The following ST8SIA5 variants were observed in gnomAD, a reference collection of about 807,000 sequenced individuals.
The protein encoded by ST8SIA5 is ST8 alpha-N-acetyl-neuraminide alpha-2,8-sialyltransferase 5, also known as alpha-2,8-sialyltransferase 8E.
A neutral mutation model predicts 40.2 loss-of-function variants in ST8SIA5; 24 were observed. The ratio of observed to expected loss-of-function variants is 0.60; its 90% CI spans 0.43 to 0.84. The LOEUF is 0.84. Among genes scored for constraint, ST8SIA5 ranks in the 40% least tolerant of loss-of-function variants. ST8SIA5 has a pLI of 0.00. For synonymous variants in ST8SIA5, 198 were observed against 201.8 expected (o/e 0.98, Z 0.16); for missense variants, 465 against 498.5 (o/e 0.93, Z 0.64).
At chr18:46,753,348 G>A (rs1032073939) in intron 1 of ST8SIA5, among the ~76,000 whole-genome samples, 17 of 152,188 alleles carry the variant, frequency 1.1e-4, no homozygotes, top group African/African-American at 3.6e-4. Flanking sequence ...CGAGGCGGGC[G>A]GATCACAAGG....
intron 2 of ST8SIA5, among the ~76,000 whole-genome samples, chr18:46,700,475 T>C (rs1418310438): frequency 6.6e-6 from 1 of 152,176 alleles, no homozygotes. Context: ...GGTCCCAAGA[T>C]AGTGTCAGAA....
At chr18:46,681,510 AG>A (rs1415675929) in intron 6 of ST8SIA5, among the ~76,000 whole-genome samples, 1 of 152,062 alleles carries the variant, frequency 6.6e-6, no homozygotes, top group East Asian at 1.9e-4. Context: ...CCAGGAGGGG[AG>A]CCAGGAGGGG....
chr18:46,737,962 G>A (rs1318286630), intron 1 of ST8SIA5, among the ~76,000 whole-genome samples: 6 of 151,930 alleles, frequency 3.9e-5, no homozygotes, highest in South Asian at 2.1e-4. Context: ...GTAGAGATAG[G>A]ATTTCACCAC....
chr18:46,727,432 A>G (rs1365176603), intron 1 of ST8SIA5, among the ~76,000 whole-genome samples: 2 of 152,344 alleles, frequency 1.3e-5, no homozygotes, highest in Admixed American at 1.3e-4. Flanking sequence ...TGCTTCCCTG[A>G]GCCAACTACC....
intron 2 of ST8SIA5, among the ~76,000 whole-genome samples, chr18:46,699,678 C>T (rs1262051740): frequency 6.6e-6 from 1 of 152,212 alleles, no homozygotes; most frequent in African/African-American, 2.4e-5. Flanking sequence ...CGCGCCCAGC[C>T]TTTCTCCCTC....
chr18:46,722,449 C>G (rs1332779365), intron 1 of ST8SIA5, among the ~76,000 whole-genome samples: 2 of 152,250 alleles, frequency 1.3e-5, no homozygotes. Context: ...CTGAGTGCAC[C>G]TGGCTTCTGA....
intron 1 of ST8SIA5, among the ~76,000 whole-genome samples, chr18:46,721,812 C>T (rs2039866913): frequency 6.6e-6 from 1 of 152,194 alleles, no homozygotes; most frequent in African/African-American, 2.4e-5. Context: ...TCCAGTTAAA[C>T]CAAAAGAGCG....
At chr18:46,700,702 C>A (rs1599113237) in intron 2 of ST8SIA5, among the ~76,000 whole-genome samples, 1 of 151,300 alleles carries the variant, frequency 6.6e-6, no homozygotes. Flanking sequence ...CAGCCAGGGG[C>A]CCCAGCTAGG....
At position 46,677,317 on chromosome 18, in the gene ST8SIA5, C is replaced by CGTTCCCTCCATTGGGTGCT. The variant is rs2039346306; in HGVS notation, c.*2724_*2725insAGCACCCAATGGAGGGAAC. 1 of 152,388 alleles carries CGTTCCCTCCATTGGGTGCT rather than the reference C, an allele frequency of 6.6e-6. No individual in the cohort carries two copies. The highest frequency in any genetic ancestry group is 6.5e-5 in the Admixed American group (1 of 15,276). The allele number at this position is 152,388 out of a possible 1,614,324, so 9.4% of individuals were successfully genotyped here. ...GGGTGCAGTTCCCTCCATTGGGTGC[C>CGTTCCCTCCATTGGGTGCT]GTTCCCTCCATTGGGTGCCTGACCA... On this transcript the variant is annotated 3_prime_UTR_variant, in exon 7 of 7. Transcript: ENST00000315087.
At chr18:46,710,813 A>AGG (rs2039724364) in intron 1 of ST8SIA5, among the ~76,000 whole-genome samples, 2 of 152,160 alleles carry the variant, frequency 1.3e-5, no homozygotes, top group South Asian at 4.2e-4. Context: ...TCTTGGGGGC[A>AGG]ACAGTACTCT....
At chr18:46,694,696 C>A (rs948656574) in intron 2 of ST8SIA5, among the ~76,000 whole-genome samples, 2 of 152,082 alleles carry the variant, frequency 1.3e-5, no homozygotes, top group African/African-American at 4.8e-5. Flanking sequence ...TGGCTCTTAC[C>A]CTGGGGTCCA....
At chr18:46,748,934 CA>C (rs2040169400) in intron 1 of ST8SIA5, among the ~76,000 whole-genome samples, 4 of 152,080 alleles carry the variant, frequency 2.6e-5, no homozygotes, top group Non-Finnish European at 5.9e-5. Flanking sequence ...AAAAACTTAA[CA>C]TAACAGTGAA....
At chr18:46,732,503 C>T (rs572161255) in intron 1 of ST8SIA5, among the ~76,000 whole-genome samples, 1 of 152,304 alleles carries the variant, frequency 6.6e-6, no homozygotes, top group African/African-American at 2.4e-5. Context: ...TTACTGCTAT[C>T]CTCACACTGG....
intron 1 of ST8SIA5, among the ~76,000 whole-genome samples, chr18:46,708,046 T>C: frequency 6.6e-6 from 1 of 152,198 alleles, no homozygotes; most frequent in African/African-American, 2.4e-5. Flanking sequence ...ATGCAGTGCA[T>C]GTGCGACAGG....
chr18:46,742,775 C>T (rs1484886314), intron 1 of ST8SIA5, among the ~76,000 whole-genome samples: 1 of 152,150 alleles, frequency 6.6e-6, no homozygotes, highest in Admixed American at 6.5e-5. Context: ...GGGTCCCTGA[C>T]CCCCGTATAG....
At chr18:46,717,894 C>T (rs1049693055) in intron 1 of ST8SIA5, among the ~76,000 whole-genome samples, 2 of 152,022 alleles carry the variant, frequency 1.3e-5, no homozygotes, top group Admixed American at 6.5e-5. Flanking sequence ...ACAGGTGCCA[C>T]GCTAGGTTCT....
In ST8SIA5 at chr18:46,696,325, ACT is replaced by A. The variant is rs574901036; in HGVS notation, c.225-4072_225-4071del. On this transcript the variant is annotated intron_variant, in intron 2 of 6. Coordinates refer to ENST00000315087, the MANE Select transcript of ST8SIA5 (RefSeq NM_013305.6). ...CACCCACTGCCCCCTGCCCCTTCCCACTCTCTGCAATCCACAGGCCCCTAGAG... is the reference window on the plus strand; with the variant it reads ...CACCCACTGCCCCCTGCCCCTTCCCACTCTGCAATCCACAGGCCCCTAGAG... 8.9e-4 allele frequency among the ~76,000 whole-genome samples: 135 copies of A among 151,428 alleles called. 1 individual carries two copies. The highest frequency in any genetic ancestry group is 6.8e-3 in the Middle Eastern group (2 of 294).
Position 46,668,311 on chromosome 18 carries a change from G to T in ST8SIA5, c.*11731C>A, listed in dbSNP as rs2039287449. ...GGCCGCTTTTTCTTCATACGCAGGA[G>T]GCCACTCAGAAATGAGCCGGTGCAC... On this transcript the variant is annotated 3_prime_UTR_variant, in exon 7 of 7. Coordinates refer to ENST00000315087, the MANE Select transcript of ST8SIA5 (RefSeq NM_013305.6). 6.6e-6 allele frequency: 1 copy of T among 152,252 alleles called. No homozygotes were observed. Among genetic ancestry groups the T allele is most frequent in the Admixed American group, 6.5e-5 (1 of 15,290 alleles). 9.4% of individuals were successfully genotyped at this position (152,252 alleles called of 1,614,324 possible).
chr18:46,737,017 C>G (rs1456868048), intron 1 of ST8SIA5, among the ~76,000 whole-genome samples: 2 of 152,172 alleles, frequency 1.3e-5, no homozygotes, highest in Admixed American at 1.3e-4. Context: ...GTCACCAGAG[C>G]TGGAAGAGAG....
Sources: gnomAD v4.1 joint callset for allele counts (sites outside exome capture counted in the v4.1 genomes callset) on GRCh38, gnomAD v4.1.1 for gene constraint, MANE v1.5 for transcripts, NCBI Gene and HGNC (gene_info 2026-07-23, HGNC 2026-07-21) for gene names.